Variants in HOXB3 observed in about 807,000 individuals in gnomAD.
HOXB3 encodes the protein homeobox protein Hox-B3.
A neutral mutation model predicts 29.2 loss-of-function variants in HOXB3; 17 were observed. The ratio of observed to expected loss-of-function variants is 0.58; its 90% CI spans 0.40 to 0.87. HOXB3 has a LOEUF of 0.87. HOXB3 is among the 40% of genes least tolerant of loss of function. HOXB3 has a pLI of 0.00. For missense variants in HOXB3, 637 were observed against 616.3 expected, an observed-to-expected ratio of 1.03 and a Z score of -0.35; for synonymous variants, 317 against 285.9, an observed-to-expected ratio of 1.11 and a Z score of -1.10.
intron 2 of HOXB3, among the ~76,000 whole-genome samples, chr17:48,562,339 A>G (rs1203072815): frequency 6.6e-6 from 1 of 151,580 alleles, no homozygotes; most frequent in African/African-American, 2.4e-5. Context: ...TCAGTTGGAG[A>G]CAAGCATTCC....
At position 48,573,940 on chromosome 17, in the gene HOXB3, A is replaced by G. The variant is rs986061399; in HGVS notation, c.-350T>C. On this transcript the variant is annotated 5_prime_UTR_variant, in exon 2 of 5. Coordinates refer to ENST00000498678, the MANE Select transcript of HOXB3 (RefSeq NM_001384749.1). ...AAAAGTTTTCAACTTTATGGTTCCAAATTTTTTCCCCCTTGCAGATCCGGG... is the reference window on the plus strand; with the variant it reads ...AAAAGTTTTCAACTTTATGGTTCCAGATTTTTTCCCCCTTGCAGATCCGGG... 7.2e-6 allele frequency: 5 copies of G among 696,432 alleles called. No individual in the cohort carries two copies. Among genetic ancestry groups the G allele is most frequent in the Non-Finnish European group, 1.3e-5 (5 of 383,088 alleles). 43.1% of individuals were successfully genotyped at this position (696,432 alleles called of 1,614,324 possible).
intron 2 of HOXB3, among the ~76,000 whole-genome samples, chr17:48,562,090 G>A (rs556966257): frequency 9.2e-5 from 14 of 152,232 alleles, no homozygotes; most frequent in Admixed American, 3.3e-4. Flanking sequence ...CATGCACTGC[G>A]TTTTACTGCT....
chr17:48,552,370 G>A lies in HOXB3; in HGVS notation c.105C>T (p.Pro35=). Residue 35 remains proline (P), a synonymous_variant, in exon 4 of 5, where the codon CCC becomes CCT. Transcript: ENST00000498678. ...CCAGGTGCGTGGCGGCCTGAAATGG[G>A]GGTTGGGGGGGGACATCGAAGCCGA... ...NGFGFDVPPQ[P]PFQAATHLEG... is the part of the protein sequence containing the mutation. 3 of 1,613,746 alleles carry A rather than the reference G, an allele frequency of 1.9e-6. No homozygotes were observed. Among genetic ancestry groups the A allele is most frequent in the South Asian group, 1.1e-5 (1 of 91,042 alleles).
chr17:48,576,926 G>A (rs1051276456), intron 1 of HOXB3: 1 of 1,614,134 alleles, frequency 6.2e-7, no homozygotes, highest in African/African-American at 1.3e-5. Context: ...TCAGGTAGCG[G>A]TTGTAGTGAA....
At chr17:48,577,042 G>A (rs764016180) in intron 1 of HOXB3, 1 of 1,542,698 alleles carries the variant, frequency 6.5e-7, no homozygotes, top group South Asian at 1.2e-5. Context: ...CGGAGAGAGG[G>A]AGAAAGAGAA....
intron 3 of HOXB3, 105 bp from the exon 4 acceptor site, chr17:48,552,737 C>T (rs1300992250): frequency 2.5e-6 from 1 of 407,936 alleles, no homozygotes; most frequent in Non-Finnish European, 4.3e-6. Flanking sequence ...TTTCTTTTCC[C>T]CTCCCCAACA....
rs2068679510 is a variant in HOXB3, at chr17:48,550,508, G to A, written c.1122C>T (p.Asn374=). 1 of 1,595,872 alleles carries A rather than the reference G, an allele frequency of 6.3e-7. No homozygotes were observed. The highest frequency in any genetic ancestry group is 8.5e-7 in the Non-Finnish European group (1 of 1,175,000). The change falls in exon 5 of 5, where the codon AAC becomes AAT. Residue 374 remains asparagine, a synonymous_variant. Transcript: ENST00000498678. ...PPAGPSLYGL[N]HLSHHPSGNL... ...TCCCGGAAGGGTGATGGGAAAGGTG[G>A]TTGAGGCCATAGAGGGAGGGGCCGG...
chr17:48,587,238 A>G (rs935827558), intron 1 of HOXB3, among the ~76,000 whole-genome samples: 3 of 152,106 alleles, frequency 2.0e-5, no homozygotes, highest in African/African-American at 7.2e-5. Context: ...CCCCTCCCCA[A>G]ACAGCTCCGT....
rs1166416629 is a variant in HOXB3, at chr17:48,549,758, C to A, written c.*576G>T. 1 of 156,394 alleles carries A rather than the reference C, an allele frequency of 6.4e-6. No individual in the cohort carries two copies. The highest frequency in any genetic ancestry group is 1.4e-5 in the Non-Finnish European group (1 of 70,280). 9.7% of individuals were successfully genotyped at this position (156,394 alleles called of 1,614,324 possible). A position where few individuals can be genotyped will look rare whatever the true frequency, so the allele number is the denominator to read the frequency against. ...ATGTATAGATATGAATGTTCTAGAGCAGAAAAACCGGGGGCTAGAAGTGTA... is the reference window on the plus strand; with the variant it reads ...ATGTATAGATATGAATGTTCTAGAGAAGAAAAACCGGGGGCTAGAAGTGTA... On this transcript the variant is annotated 3_prime_UTR_variant, in exon 5 of 5. Transcript: ENST00000498678.
chr17:48,579,996 G>A (rs1037496197), intron 1 of HOXB3: 20 of 487,952 alleles, frequency 4.1e-5, no homozygotes, highest in African/African-American at 3.9e-4. Context: ...CGCCTTCTTC[G>A]TTTGGGGTGT....
intron 2 of HOXB3, among the ~76,000 whole-genome samples, chr17:48,564,013 T>G: frequency 6.6e-6 from 1 of 152,078 alleles, no homozygotes. Context: ...CAGCTCCACA[T>G]TCCTCCACAC....
Position 48,554,142 on chromosome 17 carries a change from TTTA to T in HOXB3, c.-159+1386_-159+1388del. The stretch of plus-strand genomic sequence containing the variant: ...CAATTGACCAGGCTGACCCAATCCC[TTTA>T]TTATTATTACCATTAGCCTCTGCTG... On this transcript the variant is annotated intron_variant, in intron 3 of 4. Coordinates refer to ENST00000498678, the MANE Select transcript of HOXB3 (RefSeq NM_001384749.1). This position sits in a 1 kb window ranked among gnomAD's most constrained non-coding sequence, Gnocchi z 4.1. The T allele has an allele frequency of 6.0e-6, 1 of 167,838 alleles. No individual in the cohort carries two copies. Among genetic ancestry groups the T allele is most frequent in the Admixed American group, 5.5e-5 (1 of 18,214 alleles). 10.4% of individuals were successfully genotyped at this position (167,838 alleles called of 1,614,324 possible).
intron 2 of HOXB3, among the ~76,000 whole-genome samples, chr17:48,572,664 G>A (rs559034883): frequency 2.8e-4 from 43 of 152,244 alleles, no homozygotes; most frequent in African/African-American, 9.9e-4. Flanking sequence ...CCCTACTTTC[G>A]TCCCCCAACT....
chr17:48,560,959 TCACCTGAGGTTG>T (rs2144801864), intron 2 of HOXB3, among the ~76,000 whole-genome samples: 1 of 152,290 alleles, frequency 6.6e-6, no homozygotes, highest in South Asian at 2.1e-4. Flanking sequence ...AGGCAGGCGA[TCACCTGAGGTTG>T]GGAGTTCGAG....
Position 48,567,136 on chromosome 17 carries a change from C to G in HOXB3, c.-247+6701G>C, listed in dbSNP as rs3786140. On this transcript the variant is annotated intron_variant, in intron 2 of 4. Coordinates refer to ENST00000498678, the MANE Select transcript of HOXB3 (RefSeq NM_001384749.1). ...CTCTTTCTCCCCAAACCCTTTTCAA[C>G]TGAGACTCCTGAATTGGGAGGCTTC... 8.6e-3 allele frequency among the ~76,000 whole-genome samples: 1,314 copies of G among 152,306 alleles called. 62 individuals are homozygous for G. Among genetic ancestry groups the G allele is most frequent in the Admixed American group, 0.072 (1,096 of 15,304 alleles).
intron 1 of HOXB3, among the ~76,000 whole-genome samples, chr17:48,585,211 C>T (rs1308185096): frequency 6.6e-6 from 1 of 152,194 alleles, no homozygotes; most frequent in Non-Finnish European, 1.5e-5. Flanking sequence ...CCCGCATTTT[C>T]AGCGGTCTCT....
intron 1 of HOXB3, chr17:48,579,863 A>G (rs756023566): frequency 3.8e-6 from 2 of 520,914 alleles, no homozygotes; most frequent in Non-Finnish European, 7.8e-6. Context: ...TGTCAACTAC[A>G]TATTCCCCTA....
intron 1 of HOXB3, 35 bp downstream of exon 1, chr17:48,590,090 G>C (rs902847446): frequency 6.6e-6 from 1 of 152,210 alleles, no homozygotes; most frequent in African/African-American, 2.4e-5. Flanking sequence ...CCCCAGAATT[G>C]CAAGGGGTAA....
intron 2 of HOXB3, among the ~76,000 whole-genome samples, chr17:48,566,913 C>G (rs1487739718): frequency 6.6e-6 from 1 of 152,196 alleles, no homozygotes; most frequent in Admixed American, 6.5e-5. Context: ...CTCCAACACT[C>G]AAGGAGTGGG....
Sources: allele counts gnomAD v4.1 joint callset (sites outside exome capture counted in the v4.1 genomes callset), GRCh38; gene constraint gnomAD v4.1.1; non-coding constraint Gnocchi (gnomAD v3.1); transcripts MANE v1.5; gene names NCBI Gene and HGNC (gene_info 2026-07-23, HGNC 2026-07-21).